Variants in CCAR2 observed in about 807,000 individuals in gnomAD.
The protein encoded by CCAR2 is cell cycle and apoptosis regulator protein 2.
A neutral mutation model predicts 108.1 loss-of-function variants in CCAR2; 21 were observed. The ratio of observed to expected loss-of-function variants is 0.19; its 90% CI spans 0.14 to 0.28. The LOEUF is 0.28. Ranked by LOEUF, CCAR2 falls within the 10% of genes least tolerant of loss-of-function variation. The pLI, the probability that CCAR2 is intolerant of heterozygous loss-of-function variation, is 1.00. For missense variants in CCAR2, 1,126 were observed against 1,177.0 expected, an observed-to-expected ratio of 0.96 and a Z score of 0.63; for synonymous variants, 577 against 472.8, an observed-to-expected ratio of 1.22 and a Z score of -2.86.
chr8:22,606,125 G>A lies in CCAR2; in HGVS notation c.99G>A (p.Leu33=), dbSNP rs1801069695. 4.3e-6 allele frequency: 7 copies of A among 1,614,114 alleles called. No homozygotes were observed. In the Admixed American group the frequency reaches 8.3e-5, roughly 19 times the overall value. The change falls in exon 3 of 21, where the codon TTG becomes TTA. Residue 33 remains leucine (L), a synonymous_variant. Transcript: ENST00000308511. ...STSLLGPPPG[L]LTPPVATELS... ...CTCTTCTGGGCCCTCCTCCTGGTTT[G>A]CTCACTCCTCCTGTGGCCACAGAAC...
chr8:22,621,294 G>T, downstream of CCAR2: 1 of 1,290,402 alleles, frequency 7.7e-7, no homozygotes. Context: ...GTCATTCATT[G>T]CAAAGGGCCG....
chr8:22,614,683 A>G, intron 10 of CCAR2, 155 bp from the exon 11 acceptor site: 2 of 1,074,832 alleles, frequency 1.9e-6, no homozygotes, highest in South Asian at 1.3e-5. Context: ...AGAGAGAGCG[A>G]GGTGGCTGGT....
At position 22,614,916 on chromosome 8, in the gene CCAR2, C is replaced by G. The variant is rs1801437813; in HGVS notation, c.1120C>G (p.Gln374Glu). The G allele has an allele frequency of 6.2e-7, 1 of 1,613,468 alleles. No homozygotes were observed. Among genetic ancestry groups the G allele is most frequent in the Non-Finnish European group, 8.5e-7 (1 of 1,179,944 alleles). ...TCCTTCCCTGGATGGCCTCGACCCCCAGGCTGACCCGCAGGTGCTGGTGCG... is the reference window on the plus strand; with the variant it reads ...TCCTTCCCTGGATGGCCTCGACCCCGAGGCTGACCCGCAGGTGCTGGTGCG... ...WSPSLDGLDP[Q>E]ADPQVLVRTA... The change falls in exon 11 of 21, where the codon CAG becomes GAG. Residue 374 changes from glutamine (Q) to glutamate (E), a missense_variant. By Grantham distance (29) the Gln-to-Glu change is conservative. Transcript: ENST00000308511.
chr8:22,613,971 G>T, intron 8 of CCAR2, 121 bp from the exon 9 acceptor site: 1 of 771,464 alleles, frequency 1.3e-6, no homozygotes, highest in Admixed American at 2.6e-5. Context: ...CTTGAGAGGT[G>T]CCTTACTTCA....
At chr8:22,616,274 T>C in intron 14 of CCAR2, 26 bp downstream of exon 14, 1 of 1,603,762 alleles carries the variant, frequency 6.2e-7, no homozygotes, top group African/African-American at 1.3e-5. Context: ...CCTCGGGCTG[T>C]CATAGTGCTT....
At chr8:22,616,771 G>C (rs1240573333) in intron 14 of CCAR2, 2 of 156,210 alleles carry the variant, frequency 1.3e-5, no homozygotes, top group East Asian at 3.8e-4. Context: ...AGCCGAGGTC[G>C]CGCCACTGCA....
rs1301495659 is a variant in CCAR2, at chr8:22,613,051, G to A, written c.619G>A (p.Ala207Thr). 14 of 1,613,084 alleles carry A rather than the reference G, an allele frequency of 8.7e-6. No homozygotes were observed. The highest frequency in any genetic ancestry group is 1.1e-5 in the Non-Finnish European group (13 of 1,179,770). Residue 207 changes from alanine to threonine, a missense_variant, in exon 8 of 21, where the codon GCT becomes ACT. By Grantham distance (58) the Ala-to-Thr change is moderately conservative (BLOSUM62 0). This residue lies in a region of CCAR2 where 1,013 missense variants were observed against 993.9 expected (regional missense o/e 1.02). Coordinates refer to ENST00000308511, the MANE Select transcript of CCAR2 (RefSeq NM_001393997.1). ...TGACTCCAAGAAACGCAAACAGCGG[G>A]CTGGTGGAGAGCCCTGGGGTGCTAA... ...DYDSKKRKQRAGGEPWGAKKP... is the reference protein window; with the variant it reads ...DYDSKKRKQRTGGEPWGAKKP...
rs1801734731 is a variant in CCAR2 at position 22,620,416 on chromosome 8, G to GTTT, written c.*734_*735insTTT. 2.8e-4 allele frequency: 31 copies of GTTT among 109,342 alleles called. No individual in the cohort carries two copies. Among genetic ancestry groups the GTTT allele is most frequent in the South Asian group, 1.4e-3 (4 of 2,938 alleles). 6.8% of individuals were successfully genotyped at this position (109,342 alleles called of 1,614,324 possible). The stretch of plus-strand genomic sequence containing the variant: ...AGTTTGACTTTGTATATAAAGTTGG[G>GTTT]GTTTTTTTTTTTTTTTTTTGGCTTG... On this transcript the variant is annotated 3_prime_UTR_variant, in exon 21 of 21. Transcript: ENST00000308511.
chr8:22,612,978 A>G lies in CCAR2; in HGVS notation c.585-39A>G, dbSNP rs200981015. 40 of 1,598,218 alleles carry G rather than the reference A, an allele frequency of 2.5e-5. No individual in the cohort carries two copies. The Middle Eastern group carries it at 5.4e-4, about 22-fold the overall frequency. ...TCAGTTTGTATTGAATACATATAAC[A>G]ATGTGGTTTCTTACTGTTGGTGATG... On this transcript the variant is annotated intron_variant, in intron 7 of 20. Transcript: ENST00000308511.
At position 22,614,191 on chromosome 8, in the gene CCAR2, C is replaced by T. The variant is rs2117445708; in HGVS notation, c.804C>T (p.Pro268=). 2 of 1,614,094 alleles carry T rather than the reference C, an allele frequency of 1.2e-6. No homozygotes were observed. Among genetic ancestry groups the T allele is most frequent in the African/African-American group, 2.7e-5 (2 of 75,046 alleles). The change falls in exon 9 of 21, where the codon CCC becomes CCT. Residue 268 remains proline (P), a synonymous_variant. Transcript: ENST00000308511. ...ATCTGAGTTGGCTATCAGCCTTCCC[C>T]CTGAGCCAGCCCTTTTCCCTCCATC... ...SVHLSWLSAF[P]LSQPFSLHHP... is the part of the protein sequence containing the mutation.
Position 22,619,226 on chromosome 8 carries a change from C to A in CCAR2, c.2598C>A (p.Val866=). Residue 866 remains valine, a synonymous_variant, in exon 20 of 21, where the codon GTC becomes GTA. Coordinates refer to ENST00000308511, the MANE Select transcript of CCAR2 (RefSeq NM_001393997.1). ...TLAAEMQELR[V]RLAEAEETAR... ...CGGCAGAGATGCAGGAGCTGCGAGT[C>A]CGGCTGGCGGAGGCCGAGGAGACCG... 6.3e-7 allele frequency: 1 copy of A among 1,576,340 alleles called. No individual in the cohort carries two copies. Among genetic ancestry groups the A allele is most frequent in the South Asian group, 1.2e-5 (1 of 86,868 alleles).
chr8:22,613,846 A>G (rs960486937), intron 8 of CCAR2: 14 of 494,944 alleles, frequency 2.8e-5, no homozygotes, highest in Non-Finnish European at 5.0e-5. Flanking sequence ...CTTTATATTA[A>G]GGCAATGACC....
chr8:22,617,862 T>C, intron 16 of CCAR2, 84 bp downstream of exon 16: 1 of 1,405,518 alleles, frequency 7.1e-7, no homozygotes, highest in Non-Finnish European at 1.0e-6. Context: ...AGAAGGATGC[T>C]TACCAGTGAC....
chr8:22,614,307 G>C lies in CCAR2; in HGVS notation c.920G>C (p.Ser307Thr). The C allele has an allele frequency of 1.2e-6, 2 of 1,614,120 alleles. No homozygotes were observed. The highest frequency in any genetic ancestry group is 8.5e-7 in the Non-Finnish European group (1 of 1,179,998). The change falls in exon 9 of 21, where the codon AGT (serine) becomes ACT (threonine). Residue 307 changes from serine (S) to threonine (T), a missense_variant. By Grantham distance (58) the Ser-to-Thr change is moderately conservative. This residue lies in a region of CCAR2 where 1,013 missense variants were observed against 993.9 expected (regional missense o/e 1.02). Coordinates refer to ENST00000308511, the MANE Select transcript of CCAR2 (RefSeq NM_001393997.1). ...ACTGCAGACAGTGACCCCGCTTATA[G>C]TTCGAAGGTAAGCTGACAGGCGTCT... ...PITADSDPAY[S>T]SKVLLLSSPG...
At position 22,605,474 on chromosome 8, in the gene CCAR2, C is replaced by T. The variant is rs537598249; in HGVS notation, c.-38-262C>T. 22 of 345,980 alleles carry T rather than the reference C, an allele frequency of 6.4e-5. No individual in the cohort carries two copies. In the East Asian group the frequency reaches 9.5e-4, roughly 15 times the overall value. 21.4% of individuals were successfully genotyped at this position (345,980 alleles called of 1,614,324 possible). A position where few individuals can be genotyped will look rare whatever the true frequency, so the allele number is the denominator to read the frequency against. On this transcript the variant is annotated intron_variant, in intron 1 of 20. Coordinates refer to ENST00000308511, the MANE Select transcript of CCAR2 (RefSeq NM_001393997.1). Reference sequence around the variant, plus strand: ...TGTGGCCCCGGGCAAGTCTCTTGATCTCTCTGAGCATCAGTTTCCTTGTCT... The same window carrying T: ...TGTGGCCCCGGGCAAGTCTCTTGATTTCTCTGAGCATCAGTTTCCTTGTCT...
chr8:22,621,084 A>C (rs1190696249), downstream of CCAR2: 3 of 246,880 alleles, frequency 1.2e-5, no homozygotes, highest in Non-Finnish European at 2.4e-5. Flanking sequence ...AACGCATGCA[A>C]GGCTAAGACC....
At chr8:22,614,543 A>G in intron 10 of CCAR2, 40 bp downstream of exon 10, 1 of 1,535,974 alleles carries the variant, frequency 6.5e-7, no homozygotes, top group South Asian at 1.1e-5. Context: ...TTCACGGGTA[A>G]TGTGCACAAC....
Position 22,608,122 on chromosome 8 carries a change from T to A in CCAR2, c.584+57T>A, listed in dbSNP as rs564844802. ...TTGTTGACACTAACATTCTCTTTAT[T>A]TTATTATTATTTTTTTGTGTTGGCC... On this transcript the variant is annotated intron_variant, in intron 7 of 20. Transcript: ENST00000308511. The A allele has an allele frequency of 1.6e-3, 2,141 of 1,361,110 alleles. 3 individuals carry two copies. The highest frequency in any genetic ancestry group is 2.0e-3 in the Non-Finnish European group (1,976 of 971,292). The allele number at this position is 1,361,110 out of a possible 1,614,324, so 84.3% of individuals were successfully genotyped here. A position where few individuals can be genotyped will look rare whatever the true frequency, so the allele number is the denominator to read the frequency against.
At chr8:22,621,079 A>G (rs7008429), downstream of CCAR2, 23,620 of 240,732 alleles carry the variant, frequency 0.098, 2,957 homozygotes, top group African/African-American at 0.34. Flanking sequence ...CCCACAACGC[A>G]TGCAAGGCTA....
Sources: allele counts gnomAD v4.1 joint callset, GRCh38; gene constraint gnomAD v4.1.1; regional missense constraint gnomAD v4.1.1; transcripts MANE v1.5; gene names NCBI Gene and HGNC (gene_info 2026-07-23, HGNC 2026-07-21).